Variants in PDIA6 observed in about 807,000 individuals in gnomAD.
PDIA6 encodes protein disulfide isomerase family A member 6.
Under a neutral mutation model 58.4 loss-of-function variants are expected in PDIA6, and 29 were observed. The ratio of observed to expected loss-of-function variants is 0.50; its 90% CI spans 0.37 to 0.68. The LOEUF is 0.68. Ranked by LOEUF, PDIA6 falls within the 30% of genes least tolerant of loss-of-function variation. PDIA6 has a pLI of 0.00. For missense variants in PDIA6, 480 were observed against 551.0 expected (o/e 0.87, Z 1.29); for synonymous variants, 192 against 202.6 (o/e 0.95, Z 0.44).
chr2:10,787,867 C>T (rs945787126), intron 10 of PDIA6, among the ~76,000 whole-genome samples: 7 of 152,158 alleles, frequency 4.6e-5, no homozygotes, highest in African/African-American at 1.7e-4. Flanking sequence ...GAGTTCGAGA[C>T]CAGCCTGACC....
chr2:10,811,926 T>C (rs936127111), intron 1 of PDIA6, among the ~76,000 whole-genome samples: 4 of 152,184 alleles, frequency 2.6e-5, no homozygotes, highest in African/African-American at 9.7e-5. Flanking sequence ...CAGTTTTTCG[T>C]TTCTGAGACA....
At chr2:10,805,340 CA>C (rs1382812636) in intron 1 of PDIA6, among the ~76,000 whole-genome samples, 1 of 93,626 alleles carries the variant, frequency 1.1e-5, no homozygotes, top group Admixed American at 1.3e-4. Flanking sequence ...CAGAGAAATG[CA>C]AATCAAAACC....
Position 10,812,756 on chromosome 2 carries a change from C to A in PDIA6, c.-60G>T. 7.3e-7 allele frequency: 1 copy of A among 1,376,046 alleles called. No individual in the cohort carries two copies. Among genetic ancestry groups the A allele is most frequent in the South Asian group, 1.6e-5 (1 of 63,382 alleles). The allele number at this position is 1,376,046 out of a possible 1,614,324, so 85.2% of individuals were successfully genotyped here. On this transcript the variant is annotated 5_prime_UTR_variant, in exon 1 of 13. Coordinates refer to ENST00000272227, the MANE Select transcript of PDIA6 (RefSeq NM_005742.4). ...GCCGCCGCTTCAGCCCTGCAGCGTG[C>A]CGCACGCCGCGCCCCCGCGCCCACG...
chr2:10,791,161 T>A (rs1159035569), intron 6 of PDIA6, among the ~76,000 whole-genome samples: 1 of 143,574 alleles, frequency 7.0e-6, no homozygotes, highest in African/African-American at 2.5e-5. Flanking sequence ...TTTTTTTTTT[T>A]AAGACAGAGT....
At chr2:10,823,975 G>A (rs868060899) in intron 1 of PDIA6, among the ~76,000 whole-genome samples, 1 of 152,162 alleles carries the variant, frequency 6.6e-6, no homozygotes, top group African/African-American at 2.4e-5. Context: ...CTTCCCATGG[G>A]GGTCCACTGA....
chr2:10,787,794 G>C (rs1477840466), intron 10 of PDIA6, among the ~76,000 whole-genome samples: 3 of 152,202 alleles, frequency 2.0e-5, no homozygotes, highest in African/African-American at 7.2e-5. Flanking sequence ...GCTGGGCACG[G>C]TGGCTCACGC....
chr2:10,812,801 G>C, upstream of PDIA6: 1 of 1,207,906 alleles, frequency 8.3e-7, no homozygotes, highest in Non-Finnish European at 1.0e-6. Context: ...AGGCCAGTCC[G>C]GTGGTCCGAG....
chr2:10,818,521 TATTTATTTATTTA>T (rs1343916919), intron 2 of PDIA6, among the ~76,000 whole-genome samples: 7 of 130,744 alleles, frequency 5.4e-5, no homozygotes, highest in Non-Finnish European at 9.9e-5. Context: ...TTTATTTATT[TATTTATTTATTTA>T]TTTTGAGATG....
rs778704221 is a variant in PDIA6 at position 10,790,771 on chromosome 2, T to C, written c.647A>G (p.Lys216Arg). The change falls in exon 7 of 13, where the codon AAA (lysine) becomes AGA (arginine). Residue 216 changes from lysine to arginine, a missense_variant. Transcript: ENST00000272227. ...EVKEQTKGKV[K>R]LAAVDATVNQ... ...GACTGTAGCATCCACAGCTGCCAGT[T>C]TCACTTTTCCTTTCGTCTGCTCTTT... 2 of 1,614,104 alleles carry C rather than the reference T, an allele frequency of 1.2e-6. No individual in the cohort carries two copies. Among genetic ancestry groups the C allele is most frequent in the African/African-American group, 2.7e-5 (2 of 74,946 alleles).
upstream of PDIA6, among the ~76,000 whole-genome samples, chr2:10,833,976 A>G (rs1667766583): frequency 6.6e-6 from 1 of 152,182 alleles, no homozygotes; most frequent in Non-Finnish European, 1.5e-5. Flanking sequence ...TTATCTTTGG[A>G]TGTTGCCACA....
chr2:10,815,069 T>A (rs1318643478), upstream of PDIA6, among the ~76,000 whole-genome samples: 1 of 151,856 alleles, frequency 6.6e-6, no homozygotes, highest in Admixed American at 6.6e-5. Flanking sequence ...AAGCCCACTG[T>A]ACAGGCACAG....
intron 12 of PDIA6, chr2:10,784,704 A>C (rs1221248873): frequency 3.7e-6 from 2 of 542,538 alleles, no homozygotes; most frequent in East Asian, 6.0e-5. Flanking sequence ...CAGGAAAGCA[A>C]CCTTACTACT....
chr2:10,816,392 A>ATTTT (rs11457276), upstream of PDIA6, among the ~76,000 whole-genome samples: 25 of 144,712 alleles, frequency 1.7e-4, no homozygotes, highest in African/African-American at 4.1e-4. Flanking sequence ...GGCCTGTATC[A>ATTTT]TTTTTTTTTT....
intron 1 of PDIA6, among the ~76,000 whole-genome samples, chr2:10,812,437 C>A (rs1248628364): frequency 3.3e-5 from 5 of 151,776 alleles, no homozygotes; most frequent in Non-Finnish European, 7.4e-5. Flanking sequence ...CTCCAGCGCA[C>A]GAGGCTCCCG....
chr2:10,793,470 AG>A (rs1189041740), intron 4 of PDIA6, among the ~76,000 whole-genome samples: 1 of 152,176 alleles, frequency 6.6e-6, no homozygotes, highest in African/African-American at 2.4e-5. Flanking sequence ...GCTGGAGTAC[AG>A]TGGCACCATC....
chr2:10,824,804 G>C lies in PDIA6; in HGVS notation c.-47-5450C>G, dbSNP rs982612962. ...ATATGAAATCATCTTTATTGTTTAA[G>C]CAAGTTTGATTTGGGTTTCTAATTG... On this transcript the variant is annotated intron_variant, in intron 1 of 13. Coordinates refer to the PDIA6 transcript ENST00000381611. Among the ~76,000 whole-genome samples the C allele has an allele frequency of 2.6e-5, 4 of 152,210 alleles. No individual in the cohort carries two copies. In the East Asian group the frequency reaches 7.7e-4, roughly 29 times the overall value.
At chr2:10,814,536 G>A (rs141094019), upstream of PDIA6, among the ~76,000 whole-genome samples, 426 of 152,302 alleles carry the variant, frequency 2.8e-3, 1 homozygote, top group African/African-American at 9.8e-3. Flanking sequence ...AATGAATGCT[G>A]TTTGTTTTTC....
At position 10,789,916 on chromosome 2, in the gene PDIA6, A is replaced by C. The variant is rs775207218; in HGVS notation, c.700-27T>G. ...TATTAAAAAAAGGTCAGAGGATAAA[A>C]TCCAATTAACACTTAATGCAAAATA... On this transcript the variant is annotated intron_variant, in intron 7 of 12. Coordinates refer to ENST00000272227, the MANE Select transcript of PDIA6 (RefSeq NM_005742.4). 6.3e-6 allele frequency: 10 copies of C among 1,592,292 alleles called. No homozygotes were observed. The Admixed American group carries it at 1.7e-4, about 27-fold the overall frequency.
Position 10,784,047 on chromosome 2 carries a change from C to A in PDIA6, c.*211G>T, listed in dbSNP as rs1176444991. 7.5e-6 allele frequency: 3 copies of A among 402,504 alleles called. No individual in the cohort carries two copies. The highest frequency in any genetic ancestry group is 1.3e-5 in the Non-Finnish European group (3 of 226,940). The allele number at this position is 402,504 out of a possible 1,614,324, so 24.9% of individuals were successfully genotyped here. A position where few individuals can be genotyped will look rare whatever the true frequency, so the allele number is the denominator to read the frequency against. On this transcript the variant is annotated 3_prime_UTR_variant, in exon 13 of 13. Transcript: ENST00000272227. ...TTATGTGACAGAATACGACTCAATT[C>A]ACCGGCTACAACAATTCATAGAATT... is the stretch of plus-strand genomic sequence containing the variant.
Sources: allele counts gnomAD v4.1 joint callset (sites outside exome capture counted in the v4.1 genomes callset), GRCh38; gene constraint gnomAD v4.1.1; transcripts MANE v1.5; gene names NCBI Gene and HGNC (gene_info 2026-07-23, HGNC 2026-07-21).